Variants in SYT1 observed in about 807,000 individuals in gnomAD.
SYT1 encodes synaptotagmin 1.
A neutral mutation model predicts 44.8 loss-of-function variants in SYT1; 8 were observed. That is an observed-to-expected ratio of 0.18 (90% CI 0.10 to 0.32). SYT1 has a LOEUF of 0.32. SYT1 is among the 10% of genes least tolerant of loss of function. The probability of loss-of-function intolerance (pLI) is 1.00; values close to 1 mark genes in which losing one functional copy is unlikely to be tolerated. For missense variants in SYT1, 286 were observed against 509.3 expected (o/e 0.56, Z 4.22); for synonymous variants, 154 against 188.8 (o/e 0.82, Z 1.51).
chr12:79,431,504 T>TTTA (rs1869772496), intron 9 of SYT1, among the ~76,000 whole-genome samples: 2 of 134,200 alleles, frequency 1.5e-5, no homozygotes, highest in Non-Finnish European at 3.2e-5. Flanking sequence ...GTTTATTTTA[T>TTTA]TTTATTTTAT....
intron 8 of SYT1, among the ~76,000 whole-genome samples, chr12:79,329,304 C>T (rs867639729): frequency 2.0e-5 from 3 of 152,234 alleles, no homozygotes; most frequent in Non-Finnish European, 1.5e-5. Flanking sequence ...TTCTGTGTGT[C>T]TAAGAAAAAC....
At chr12:79,291,698 G>A in intron 5 of SYT1, 1 of 467,382 alleles carries the variant, frequency 2.1e-6, no homozygotes, top group Non-Finnish European at 4.2e-6. Context: ...GAAAGCAGCA[G>A]TTTTATCAGA....
At chr12:79,023,808 C>T (rs370130989) in intron 2 of SYT1, among the ~76,000 whole-genome samples, 2 of 151,558 alleles carry the variant, frequency 1.3e-5, no homozygotes, top group South Asian at 4.2e-4. Flanking sequence ...TCTCTCTCTC[C>T]ATGCACATTC....
chr12:79,002,538 A>G (rs1279730479), intron 2 of SYT1, among the ~76,000 whole-genome samples: 2 of 152,008 alleles, frequency 1.3e-5, no homozygotes, highest in African/African-American at 4.8e-5. Flanking sequence ...TAATGAATGA[A>G]GTTTGGCTTT....
At chr12:79,377,316 T>G (rs1246481294) in intron 9 of SYT1, among the ~76,000 whole-genome samples, 2 of 152,208 alleles carry the variant, frequency 1.3e-5, no homozygotes, top group Admixed American at 1.3e-4. Context: ...TTTCACCGTT[T>G]TAGCCAGGAT....
chr12:79,031,052 G>A (rs780925830), intron 2 of SYT1, among the ~76,000 whole-genome samples: 29 of 151,002 alleles, frequency 1.9e-4, no homozygotes, highest in Non-Finnish European at 3.7e-4. Flanking sequence ...AATGAAATGC[G>A]TAAGTTTAAA....
intron 5 of SYT1, among the ~76,000 whole-genome samples, chr12:79,290,548 C>A (rs907165017): frequency 5.9e-5 from 9 of 152,078 alleles, no homozygotes; most frequent in African/African-American, 1.9e-4. Context: ...CATTTGAGTT[C>A]TATGAGAATT....
intron 3 of SYT1, among the ~76,000 whole-genome samples, chr12:79,212,584 TTTAA>T (rs1565857920): frequency 6.6e-6 from 1 of 152,140 alleles, no homozygotes; most frequent in Non-Finnish European, 1.5e-5. Context: ...TTCTTGATAA[TTTAA>T]TTGTCTATTC....
intron 3 of SYT1, among the ~76,000 whole-genome samples, chr12:79,190,559 T>C (rs1177493093): frequency 6.6e-6 from 1 of 152,148 alleles, no homozygotes; most frequent in Admixed American, 6.6e-5. Context: ...GTTACCATCC[T>C]AGTGCAGTAC....
chr12:79,129,902 A>G (rs1242811573), intron 3 of SYT1, among the ~76,000 whole-genome samples: 1 of 152,206 alleles, frequency 6.6e-6, no homozygotes, highest in Non-Finnish European at 1.5e-5. Context: ...GGTATATTAT[A>G]AACATTTACA....
At chr12:79,267,414 G>A (rs1177631504) in intron 4 of SYT1, among the ~76,000 whole-genome samples, 1 of 152,140 alleles carries the variant, frequency 6.6e-6, no homozygotes, top group African/African-American at 2.4e-5. Flanking sequence ...CAAATTGAAA[G>A]TGTCAAAATA....
At chr12:79,398,261 G>A (rs1441158008) in intron 9 of SYT1, among the ~76,000 whole-genome samples, 1 of 152,170 alleles carries the variant, frequency 6.6e-6, no homozygotes, top group African/African-American at 2.4e-5. Flanking sequence ...CATACTTTAA[G>A]AAGACAGAAT....
At chr12:79,195,431 A>G (rs926848859) in intron 3 of SYT1, among the ~76,000 whole-genome samples, 1 of 151,800 alleles carries the variant, frequency 6.6e-6, no homozygotes, top group Non-Finnish European at 1.5e-5. Flanking sequence ...AGTGGTATAT[A>G]GAGTCTACCA....
chr12:79,261,104 A>G (rs1160236230), intron 4 of SYT1, among the ~76,000 whole-genome samples: 1 of 152,190 alleles, frequency 6.6e-6, no homozygotes, highest in Non-Finnish European at 1.5e-5. Context: ...CAGTAGTCTT[A>G]TAAAAACATG....
At chr12:79,265,068 A>G (rs1878049904) in intron 4 of SYT1, among the ~76,000 whole-genome samples, 1 of 152,150 alleles carries the variant, frequency 6.6e-6, no homozygotes, top group East Asian at 1.9e-4. Flanking sequence ...TTTTTCAACC[A>G]AGTTTTCAAC....
chr12:79,217,572 T>C lies in SYT1; in HGVS notation c.53T>C (p.Val18Ala), dbSNP rs1250124189. The C allele has an allele frequency of 6.2e-7, 1 of 1,612,624 alleles. No individual in the cohort carries two copies. Among genetic ancestry groups the C allele is most frequent in the Non-Finnish European group, 8.5e-7 (1 of 1,179,416 alleles). Residue 18 changes from valine (V) to alanine (A), a missense_variant, in exon 4 of 11, where the codon GTC becomes GCC. Around this residue, in one of 6 missense-constraint regions of SYT1, gnomAD observed 141 missense variants for 165.7 expected, o/e 0.85. Coordinates refer to ENST00000261205, the MANE Select transcript of SYT1 (RefSeq NM_005639.3). ...EALAAPPVTT[V>A]ATVLPSNATE... ...CTGGCAGCCCCGCCTGTCACCACTG[T>C]CGCGACTGTTCTGCCAAGCAACGCC...
At chr12:79,380,094 G>T (rs1406932988) in intron 9 of SYT1, among the ~76,000 whole-genome samples, 1 of 152,064 alleles carries the variant, frequency 6.6e-6, no homozygotes, top group Non-Finnish European at 1.5e-5. Flanking sequence ...TACTGAAAAA[G>T]ATTCCATTTC....
At chr12:79,269,067 G>A (rs1264351016) in intron 4 of SYT1, among the ~76,000 whole-genome samples, 1 of 150,660 alleles carries the variant, frequency 6.6e-6, no homozygotes. Context: ...TTGAATTCCA[G>A]GCCCCTTTTA....
At chr12:78,949,477 T>TAAAA (rs1555183718) in intron 1 of SYT1, among the ~76,000 whole-genome samples, 1 of 144,018 alleles carries the variant, frequency 6.9e-6, no homozygotes, top group Non-Finnish European at 1.5e-5. Flanking sequence ...TATAGCTCAT[T>TAAAA]AAAAAAAAAA....
Sources: gnomAD v4.1 joint callset for allele counts (sites outside exome capture counted in the v4.1 genomes callset) on GRCh38, gnomAD v4.1.1 for gene constraint, gnomAD v4.1.1 regional missense constraint, MANE v1.5 for transcripts, NCBI Gene and HGNC (gene_info 2026-07-23, HGNC 2026-07-21) for gene names.